Variants in MEGF10 observed in about 807,000 individuals in gnomAD.
MEGF10 encodes the protein multiple epidermal growth factor-like domains protein 10.
MEGF10 carries 86 observed loss-of-function variants against 147.5 expected under a neutral mutation model. The ratio of observed to expected loss-of-function variants is 0.58; its 90% CI spans 0.49 to 0.70. The LOEUF (loss-of-function observed/expected upper bound fraction) is 0.70, where lower values mean the gene tolerates loss of function less well. MEGF10 is among the 30% of genes least tolerant of loss of function. The probability of loss-of-function intolerance (pLI) is 0.00; values close to 1 mark genes in which losing one functional copy is unlikely to be tolerated. For missense variants in MEGF10, 1,329 were observed against 1,487.3 expected, an observed-to-expected ratio of 0.89 and a Z score of 1.75; for synonymous variants, 478 against 525.5, an observed-to-expected ratio of 0.91 and a Z score of 1.24.
At chr5:127,329,014 C>T (rs1761148586) in intron 1 of MEGF10, among the ~76,000 whole-genome samples, 1 of 152,144 alleles carries the variant, frequency 6.6e-6, no homozygotes, top group South Asian at 2.1e-4. Flanking sequence ...GTAAGGATTA[C>T]ATAGATAATT....
intron 4 of MEGF10, among the ~76,000 whole-genome samples, chr5:127,350,928 T>A (rs893452448): frequency 2.6e-5 from 4 of 151,984 alleles, no homozygotes; most frequent in Non-Finnish European, 5.9e-5. Context: ...CATTTATTAT[T>A]TGTGTTGAAA....
chr5:127,435,018 C>G (rs1302697038), intron 15 of MEGF10, among the ~76,000 whole-genome samples, 197 bp downstream of exon 15: 1 of 152,180 alleles, frequency 6.6e-6, no homozygotes, highest in African/African-American at 2.4e-5. Flanking sequence ...CCAGCAAAAC[C>G]TTTTTATTTC....
At chr5:127,319,950 T>C (rs141676892) in intron 1 of MEGF10, among the ~76,000 whole-genome samples, 2 of 152,332 alleles carry the variant, frequency 1.3e-5, no homozygotes, top group African/African-American at 2.4e-5. Context: ...AGAAAATAGC[T>C]TTGTGACCTT....
chr5:127,310,575 G>T (rs908679368), intron 1 of MEGF10, among the ~76,000 whole-genome samples: 3 of 151,938 alleles, frequency 2.0e-5, no homozygotes, highest in African/African-American at 7.2e-5. Context: ...AAGGGATTTT[G>T]CTCTGAGATG....
chr5:127,229,619 G>C, the MEGF10 span: 1 of 152,898 alleles, frequency 6.5e-6, no homozygotes. Flanking sequence ...GAGGCGGCGG[G>C]GAGGCGAGCG....
chr5:127,363,591 C>T (rs955857849), intron 4 of MEGF10, among the ~76,000 whole-genome samples: 6 of 152,136 alleles, frequency 3.9e-5, no homozygotes, highest in African/African-American at 9.7e-5. Flanking sequence ...TTATTGCTGA[C>T]GTCACTGCTG....
At chr5:127,429,314 G>A (rs1000327286) in intron 13 of MEGF10, among the ~76,000 whole-genome samples, 1 of 152,124 alleles carries the variant, frequency 6.6e-6, no homozygotes, top group Non-Finnish European at 1.5e-5. Context: ...TCAAGAATAA[G>A]CAAGGCAGAC....
intron 1 of MEGF10, among the ~76,000 whole-genome samples, chr5:127,295,581 G>A (rs898682968): frequency 1.3e-5 from 2 of 152,186 alleles, no homozygotes; most frequent in African/African-American, 4.8e-5. Context: ...GTAATGACAA[G>A]GATGGTGATT....
chr5:127,418,465 G>A (rs758112884), intron 10 of MEGF10, among the ~76,000 whole-genome samples: 36 of 152,196 alleles, frequency 2.4e-4, no homozygotes, highest in South Asian at 2.1e-4. Context: ...AGAACTGGTG[G>A]ATCATAAGGT....
At position 127,447,600 on chromosome 5, in the gene MEGF10, C is replaced by T. The variant is rs1457312010; in HGVS notation, c.2772C>T (p.Tyr924=). 1.2e-6 allele frequency: 2 copies of T among 1,614,058 alleles called. No homozygotes were observed. Among genetic ancestry groups the T allele is most frequent in the Non-Finnish European group, 1.7e-6 (2 of 1,180,024 alleles). ...ATGGTGGAAACGCTAATAGCCACTA[C>T]TTCACCAATCCCAGTTACCACACGC... ...HSNGGNANSH[Y]FTNPSYHTLT... Residue 924 remains tyrosine (Y), a synonymous_variant, in exon 21 of 25, where the codon TAC becomes TAT. Coordinates refer to ENST00000503335, the MANE Select transcript of MEGF10 (RefSeq NM_001256545.2).
chr5:127,405,926 G>A (rs1226637552), intron 8 of MEGF10, among the ~76,000 whole-genome samples: 1 of 151,866 alleles, frequency 6.6e-6, no homozygotes, highest in Non-Finnish European at 1.5e-5. Context: ...TTTATAACAT[G>A]TAATTGGACT....
intron 5 of MEGF10, among the ~76,000 whole-genome samples, chr5:127,393,633 T>G (rs1219044183): frequency 6.6e-6 from 1 of 152,200 alleles, no homozygotes; most frequent in Non-Finnish European, 1.5e-5. Flanking sequence ...TAGGAAAATA[T>G]AGCCCGAAGT....
intron 1 of MEGF10, among the ~76,000 whole-genome samples, chr5:127,305,145 G>A (rs1446746135): frequency 6.6e-6 from 1 of 152,142 alleles, no homozygotes; most frequent in Admixed American, 6.5e-5. Flanking sequence ...CATTAGTGAG[G>A]CCAAAAGGTT....
chr5:127,445,761 C>T (rs1765923025), intron 20 of MEGF10, 68 bp downstream of exon 20: 3 of 1,161,952 alleles, frequency 2.6e-6, no homozygotes, highest in Non-Finnish European at 3.9e-6. Context: ...TTCTTTAAAA[C>T]TGGGTGTTTG....
Position 127,420,199 on chromosome 5 carries a change from C to T in MEGF10, c.1582C>T (p.Pro528Ser). ...PGWRGEKCELPCQDGTYGLNC... is the reference protein window; with the variant it reads ...PGWRGEKCELSCQDGTYGLNC... Reference sequence around the variant, plus strand: ...ATGGCGCGGGGAGAAATGCGAACTTCCCTGCCAGGTATGCACAAATCAGCG... The same window carrying T: ...ATGGCGCGGGGAGAAATGCGAACTTTCCTGCCAGGTATGCACAAATCAGCG... The change falls in exon 12 of 25, where the codon CCC becomes TCC. Residue 528 changes from proline (P) to serine (S), a missense_variant. Physicochemically the swap from Pro to Ser is moderately conservative, Grantham distance 74. Around this residue, in one of 3 missense-constraint regions of MEGF10, gnomAD observed 980 missense variants for 1,085.9 expected, o/e 0.90. Transcript: ENST00000503335. The T allele has an allele frequency of 1.2e-6, 2 of 1,614,058 alleles. No homozygotes were observed. The highest frequency in any genetic ancestry group is 1.7e-6 in the Non-Finnish European group (2 of 1,179,956).
chr5:127,308,461 C>T lies in MEGF10; in HGVS notation c.-19+17405C>T, dbSNP rs149546291. On this transcript the variant is annotated intron_variant, in intron 1 of 24. Transcript: ENST00000503335. ...TGCACAGTGGCTGCGAAATGCTTGA[C>T]GCCCTTTTGGTTTCCGTGTACTTAA... 2.2e-3 allele frequency among the ~76,000 whole-genome samples: 341 copies of T among 152,212 alleles called. 2 individuals carry two copies. Among genetic ancestry groups the T allele is most frequent in the Middle Eastern group, 6.8e-3 (2 of 294 alleles).
rs746841526 is a variant in MEGF10, at chr5:127,420,162, G to A, written c.1545G>A (p.Thr515=). The A allele has an allele frequency of 1.1e-5, 17 of 1,614,210 alleles. No homozygotes were observed. Among genetic ancestry groups the A allele is most frequent in the Admixed American group, 1.7e-5 (1 of 60,032 alleles). The change falls in exon 12 of 25, where the codon ACG becomes ACA. Residue 515 remains threonine, a synonymous_variant. Coordinates refer to ENST00000503335, the MANE Select transcript of MEGF10 (RefSeq NM_001256545.2). The part of the protein sequence containing the change: ...GACNTLDGTC[T]CAPGWRGEKC... ...GCAACACCCTGGACGGGACCTGCAC[G>A]TGTGCACCTGGATGGCGCGGGGAGA...
At chr5:127,400,430 C>A (rs1374686374) in intron 7 of MEGF10, among the ~76,000 whole-genome samples, 1 of 152,192 alleles carries the variant, frequency 6.6e-6, no homozygotes. Flanking sequence ...CCTTCTCTAC[C>A]TTTTTTGTCT....
chr5:127,333,403 T>C (rs1312762811), intron 2 of MEGF10, among the ~76,000 whole-genome samples: 3 of 151,858 alleles, frequency 2.0e-5, no homozygotes, highest in Admixed American at 6.6e-5. Flanking sequence ...ATCCAGCTAC[T>C]TGGGGGGCTG....
Sources: gnomAD v4.1 joint callset for allele counts (sites outside exome capture counted in the v4.1 genomes callset) on GRCh38, gnomAD v4.1.1 for gene constraint, gnomAD v4.1.1 regional missense constraint, MANE v1.5 for transcripts, NCBI Gene and HGNC (gene_info 2026-07-23, HGNC 2026-07-21) for gene names.